The following TLN2 variants were observed in gnomAD, a reference collection of about 807,000 sequenced individuals.
The protein encoded by TLN2 is talin 2.
In TLN2, 118 loss-of-function variants were observed where a neutral mutation model predicts 294.7. That is an observed-to-expected ratio of 0.40 (90% CI 0.34 to 0.47). The LOEUF is 0.47. Ranked by LOEUF, TLN2 falls within the 20% of genes least tolerant of loss-of-function variation. The probability of loss-of-function intolerance (pLI) is 0.84; values close to 1 mark genes in which losing one functional copy is unlikely to be tolerated. For synonymous variants in TLN2, 1,431 were observed against 1,304.5 expected (o/e 1.10, Z -2.09); for missense variants, 3,083 against 3,282.2 (o/e 0.94, Z 1.48).
intron 54 of TLN2, among the ~76,000 whole-genome samples, chr15:62,821,965 C>T (rs1036560980): frequency 6.6e-6 from 1 of 152,140 alleles, no homozygotes; most frequent in Admixed American, 6.5e-5. Context: ...ATCACGATGG[C>T]CTTTCTTGGG....
At chr15:62,525,489 A>G (rs1161811827) in intron 1 of TLN2, among the ~76,000 whole-genome samples, 1 of 152,158 alleles carries the variant, frequency 6.6e-6, no homozygotes, top group Admixed American at 6.5e-5. Flanking sequence ...TTCTCTAATC[A>G]TATTTTCTCT....
chr15:62,686,554 G>A lies in TLN2; in HGVS notation c.958-87G>A, dbSNP rs566669247. On this transcript the variant is annotated intron_variant, in intron 11 of 58. Transcript: ENST00000636159. ...CCTGTTTTGAAAGACAGTGTATGCAGGTGAAAGGTCAAAAAATCACTGATT... is the reference window on the plus strand; with the variant it reads ...CCTGTTTTGAAAGACAGTGTATGCAAGTGAAAGGTCAAAAAATCACTGATT... The A allele has an allele frequency of 9.3e-5, 137 of 1,471,792 alleles. No individual in the cohort carries two copies. The African/African-American group carries it at 1.1e-3, about 12-fold the overall frequency. 91.2% of individuals were successfully genotyped at this position (1,471,792 alleles called of 1,614,324 possible). A position where few individuals can be genotyped will look rare whatever the true frequency, so the allele number is the denominator to read the frequency against.
intron 1 of TLN2, among the ~76,000 whole-genome samples, chr15:62,459,184 T>G (rs2036652942): frequency 6.6e-6 from 1 of 151,978 alleles, no homozygotes; most frequent in African/African-American, 2.4e-5. Flanking sequence ...GTATTTTTAG[T>G]AGAGACAGGG....
chr15:62,702,735 T>G, intron 18 of TLN2, 31 bp from the exon 19 acceptor site: 1 of 1,608,808 alleles, frequency 6.2e-7, no homozygotes, highest in South Asian at 1.1e-5. Context: ...ATGCGTTTTC[T>G]TTCCAATTAA....
chr15:62,658,080 C>T, intron 9 of TLN2, 182 bp downstream of exon 9: 1 of 511,344 alleles, frequency 2.0e-6, no homozygotes, highest in Non-Finnish European at 3.3e-6. Context: ...AAGAGAAATT[C>T]AGAAGTTTCT....
At chr15:62,697,657 C>A in intron 14 of TLN2, 31 bp from the exon 15 acceptor site, 1 of 1,576,276 alleles carries the variant, frequency 6.3e-7, no homozygotes, top group South Asian at 1.2e-5. Context: ...GGCTGGTGTT[C>A]TCTCAGTGAC....
intron 47 of TLN2, 136 bp downstream of exon 47, chr15:62,796,429 G>C (rs1373338983): frequency 4.5e-6 from 5 of 1,100,014 alleles, no homozygotes; most frequent in Non-Finnish European, 5.1e-6. Context: ...AGTTGGGAAA[G>C]TGAACCATGT....
chr15:62,711,785 C>T (rs1451297167), intron 21 of TLN2, 126 bp from the exon 22 acceptor site: 7 of 1,036,816 alleles, frequency 6.8e-6, no homozygotes, highest in African/African-American at 1.6e-5. Flanking sequence ...AGGACTAGAG[C>T]ATGGAGGTTC....
chr15:62,404,970 A>G (rs2033299894), intron 1 of TLN2, among the ~76,000 whole-genome samples: 1 of 152,200 alleles, frequency 6.6e-6, no homozygotes, highest in African/African-American at 2.4e-5. Flanking sequence ...TCTGTGTGGG[A>G]AAACTCAGTG....
At chr15:62,626,429 A>G (rs1299648261) in intron 3 of TLN2, among the ~76,000 whole-genome samples, 1 of 152,172 alleles carries the variant, frequency 6.6e-6, no homozygotes, top group Non-Finnish European at 1.5e-5. Flanking sequence ...ATAGTCAAAG[A>G]TTCAGGTGGG....
rs141311803 is a variant in TLN2 at position 62,724,370 on chromosome 15, C to T, written c.3127-606C>T. On this transcript the variant is annotated intron_variant, in intron 26 of 58. Coordinates refer to ENST00000636159, the MANE Select transcript of TLN2 (RefSeq NM_015059.3). ...TTTAGTATACTGATCAATAATTACACGTTTATATAATTATATGTGCATGTG... is the reference window on the plus strand; with the variant it reads ...TTTAGTATACTGATCAATAATTACATGTTTATATAATTATATGTGCATGTG... Among the ~76,000 whole-genome samples, 1,018 of 152,090 alleles carry T rather than the reference C, an allele frequency of 6.7e-3. 5 individuals carry two copies. Among genetic ancestry groups the T allele is most frequent in the Middle Eastern group, 0.027 (8 of 294 alleles).
At chr15:62,563,343 A>G (rs191093452) in intron 1 of TLN2, among the ~76,000 whole-genome samples, 4 of 152,294 alleles carry the variant, frequency 2.6e-5, no homozygotes, top group South Asian at 2.1e-4. Context: ...TTCCCTGATC[A>G]TTAGTGACGT....
intron 22 of TLN2, among the ~76,000 whole-genome samples, chr15:62,714,918 C>T (rs2059672797): frequency 6.6e-6 from 1 of 152,074 alleles, no homozygotes; most frequent in African/African-American, 2.4e-5. Flanking sequence ...TCCAGCTGCT[C>T]AAAATACATA....
intron 1 of TLN2, among the ~76,000 whole-genome samples, chr15:62,456,150 C>G (rs1025373880): frequency 6.6e-6 from 1 of 152,140 alleles, no homozygotes; most frequent in Admixed American, 6.5e-5. Flanking sequence ...CGGGGAGTAC[C>G]TGCTGCTTCT....
intron 48 of TLN2, among the ~76,000 whole-genome samples, chr15:62,798,799 G>A (rs529071275): frequency 2.6e-5 from 4 of 152,176 alleles, no homozygotes; most frequent in Non-Finnish European, 5.9e-5. Flanking sequence ...GCACAGCTCC[G>A]AGAGGAAACA....
In TLN2 at chr15:62,547,032, G is replaced by A. The variant is rs545694615; in HGVS notation, c.-237-42655G>A. ...AGGGAGGAAAGGGGATAAAGAAGCA[G>A]TATTGAAACACTGAATCTGGCCGTT... On this transcript the variant is annotated intron_variant, in intron 1 of 58. Coordinates refer to ENST00000636159, the MANE Select transcript of TLN2 (RefSeq NM_015059.3). 6.6e-5 allele frequency among the ~76,000 whole-genome samples: 10 copies of A among 152,320 alleles called. No individual in the cohort carries two copies. The East Asian group carries it at 1.9e-3, about 29-fold the overall frequency.
intron 1 of TLN2, among the ~76,000 whole-genome samples, chr15:62,472,999 C>G (rs972520065): frequency 6.6e-6 from 1 of 152,092 alleles, no homozygotes; most frequent in Non-Finnish European, 1.5e-5. Flanking sequence ...TGAGACTGTT[C>G]CTGGTCACAG....
rs2071020917 is a variant in TLN2, at chr15:62,844,611, A to G, written c.*4001A>G. ...AGTTATTTTTTTTTATTTGCCAGAA[A>G]TAAACCTTTAAAGGAACAAACCTGT... is the stretch of plus-strand genomic sequence containing the variant. On this transcript the variant is annotated 3_prime_UTR_variant, in exon 59 of 59. Coordinates refer to ENST00000636159, the MANE Select transcript of TLN2 (RefSeq NM_015059.3). 1 of 152,194 alleles carries G rather than the reference A, an allele frequency of 6.6e-6. No individual in the cohort carries two copies. Among genetic ancestry groups the G allele is most frequent in the South Asian group, 2.1e-4 (1 of 4,820 alleles). 9.4% of individuals were successfully genotyped at this position (152,194 alleles called of 1,614,324 possible). A position where few individuals can be genotyped will look rare whatever the true frequency, so the allele number is the denominator to read the frequency against.
At chr15:62,524,244 C>G (rs568416546) in intron 1 of TLN2, among the ~76,000 whole-genome samples, 55 of 152,304 alleles carry the variant, frequency 3.6e-4, no homozygotes, top group African/African-American at 1.3e-3. Flanking sequence ...TCTTACTGTT[C>G]ATGTTTAGTT....
Sources: gnomAD v4.1 joint callset for allele counts (sites outside exome capture counted in the v4.1 genomes callset) on GRCh38, gnomAD v4.1.1 for gene constraint, MANE v1.5 for transcripts, NCBI Gene and HGNC (gene_info 2026-07-23, HGNC 2026-07-21) for gene names.